Variants in NALF1 observed in about 807,000 individuals in gnomAD.
The protein encoded by NALF1 is family with sequence similarity 155 member A.
In NALF1, 3 loss-of-function variants were observed where a neutral mutation model predicts 48.4. That is an observed-to-expected ratio of 0.06 (90% confidence interval 0.03 to 0.16). The LOEUF (loss-of-function observed/expected upper bound fraction) is 0.16, where lower values mean the gene tolerates loss of function less well. Among genes scored for constraint, NALF1 ranks in the 10% least tolerant of loss-of-function variants. NALF1 has a pLI of 1.00. For missense variants in NALF1, 526 were observed against 571.5 expected, an observed-to-expected ratio of 0.92 and a Z score of 0.81; for synonymous variants, 262 against 245.7, an observed-to-expected ratio of 1.07 and a Z score of -0.62.
At chr13:107,768,546 T>A (rs1877481836) in intron 1 of NALF1, among the ~76,000 whole-genome samples, 1 of 152,186 alleles carries the variant, frequency 6.6e-6, no homozygotes, top group Non-Finnish European at 1.5e-5. Context: ...AAAGCGTTTA[T>A]AAAGAACAGG....
At chr13:107,356,098 G>A (rs1233376853) in intron 1 of NALF1, among the ~76,000 whole-genome samples, 2 of 152,090 alleles carry the variant, frequency 1.3e-5, no homozygotes, top group African/African-American at 4.8e-5. Flanking sequence ...ACAAACACAG[G>A]AGCCGATGTC....
intron 1 of NALF1, among the ~76,000 whole-genome samples, chr13:107,244,653 T>C (rs7982133): frequency 0.14 from 21,373 of 152,102 alleles, 1,970 homozygotes; most frequent in East Asian, 0.4. Context: ...TTGTAGCTGA[T>C]GCAAACAAAT....
chr13:107,484,562 C>T (rs1885299327), intron 1 of NALF1, among the ~76,000 whole-genome samples: 7 of 152,126 alleles, frequency 4.6e-5, no homozygotes, highest in Admixed American at 4.6e-4. Flanking sequence ...TTTTACCACC[C>T]ATCTTTGGAT....
intron 1 of NALF1, among the ~76,000 whole-genome samples, chr13:107,277,332 A>G (rs1386100136): frequency 6.6e-6 from 1 of 152,202 alleles, no homozygotes; most frequent in Non-Finnish European, 1.5e-5. Context: ...CAATTTTAAG[A>G]GTTAGAGAAT....
intron 2 of NALF1, among the ~76,000 whole-genome samples, chr13:107,179,829 C>T (rs1381003012): frequency 6.7e-6 from 1 of 150,120 alleles, no homozygotes; most frequent in Non-Finnish European, 1.5e-5. Context: ...ATTCCTGGAG[C>T]TTCTTGGCTG....
At chr13:107,353,530 T>C (rs1205248338) in intron 1 of NALF1, among the ~76,000 whole-genome samples, 5 of 152,226 alleles carry the variant, frequency 3.3e-5, no homozygotes, top group Admixed American at 3.3e-4. Context: ...CAATCTCTTT[T>C]TAGAAGTACA....
intron 1 of NALF1, among the ~76,000 whole-genome samples, chr13:107,760,237 T>C (rs1224405747): frequency 6.6e-6 from 1 of 152,308 alleles, no homozygotes; most frequent in Non-Finnish European, 1.5e-5. Flanking sequence ...TATACATGCA[T>C]ACAGCAAAGA....
chr13:107,305,756 T>C (rs1881924602), intron 1 of NALF1, among the ~76,000 whole-genome samples: 1 of 152,146 alleles, frequency 6.6e-6, no homozygotes, highest in African/African-American at 2.4e-5. Context: ...ACAAACAATA[T>C]ATATACTGCA....
chr13:107,295,890 G>A (rs112484023), intron 1 of NALF1, among the ~76,000 whole-genome samples: 1 of 152,144 alleles, frequency 6.6e-6, no homozygotes, highest in African/African-American at 2.4e-5. Flanking sequence ...GAAACTACTG[G>A]TTATTCCAGC....
chr13:107,843,254 T>C (rs376228128), intron 1 of NALF1, among the ~76,000 whole-genome samples: 4 of 152,204 alleles, frequency 2.6e-5, no homozygotes, highest in Non-Finnish European at 5.9e-5. Flanking sequence ...TAGATGCTAT[T>C]ATTGTCATAA....
At chr13:107,638,577 A>T (rs1379190802) in intron 1 of NALF1, among the ~76,000 whole-genome samples, 1 of 152,094 alleles carries the variant, frequency 6.6e-6, no homozygotes, top group Non-Finnish European at 1.5e-5. Flanking sequence ...AAGTGAGCTT[A>T]TTGCTGAATA....
chr13:107,282,594 C>T (rs989133136), intron 1 of NALF1, among the ~76,000 whole-genome samples: 2 of 152,194 alleles, frequency 1.3e-5, no homozygotes, highest in African/African-American at 4.8e-5. Context: ...ACTTCTCAGG[C>T]CAGGTCATCT....
At chr13:107,671,714 C>T (rs9301250) in intron 1 of NALF1, among the ~76,000 whole-genome samples, 43,920 of 151,724 alleles carry the variant, frequency 0.29, 6,676 homozygotes, top group African/African-American at 0.35. Context: ...ATATACAAGA[C>T]CAGAAAACCC....
intron 1 of NALF1, among the ~76,000 whole-genome samples, chr13:107,595,884 GCATAGTGTACCCTCTGA>G (rs1395803117): frequency 2.6e-5 from 4 of 152,074 alleles, no homozygotes; most frequent in African/African-American, 7.2e-5. Flanking sequence ...CCCCTTACTG[GCATAGTGTACCCTCTGA>G]CTTTTCTGCC....
In NALF1 at chr13:107,540,597, G is replaced by A. The variant is rs964905993; in HGVS notation, c.915+325085C>T. The stretch of plus-strand genomic sequence containing the variant: ...TGCTGGATCAATCGAAAGCTCTGGC[G>A]TTAATTTCCACAGTGACTGCTGGTA... On this transcript the variant is annotated intron_variant, in intron 1 of 2. Transcript: ENST00000375915. Among the ~76,000 whole-genome samples the A allele has an allele frequency of 2.4e-4, 36 of 152,056 alleles. 1 individual carries two copies. The highest frequency in any genetic ancestry group is 3.2e-3 in the Middle Eastern group (1 of 316).
chr13:107,562,323 C>A (rs933322658), intron 1 of NALF1, among the ~76,000 whole-genome samples: 1 of 152,172 alleles, frequency 6.6e-6, no homozygotes, highest in African/African-American at 2.4e-5. Context: ...AGAGAAACGA[C>A]AGTCAAAGGC....
At chr13:107,352,264 T>C (rs1224284059) in intron 1 of NALF1, among the ~76,000 whole-genome samples, 1 of 151,950 alleles carries the variant, frequency 6.6e-6, no homozygotes, top group African/African-American at 2.4e-5. Context: ...TATAATGAGG[T>C]GTGTCTGACC....
intron 1 of NALF1, among the ~76,000 whole-genome samples, chr13:107,638,630 A>G (rs375271428): frequency 2.0e-5 from 3 of 152,164 alleles, no homozygotes; most frequent in Non-Finnish European, 2.9e-5. Flanking sequence ...GGAAAAACTA[A>G]TAACAGTACA....
chr13:107,526,858 C>A (rs2139102668), intron 1 of NALF1, among the ~76,000 whole-genome samples: 1 of 152,150 alleles, frequency 6.6e-6, no homozygotes, highest in East Asian at 1.9e-4. Flanking sequence ...GAAATGAGTC[C>A]AGAAAAACAC....
Sources: allele counts gnomAD v4.1 joint callset (sites outside exome capture counted in the v4.1 genomes callset), GRCh38; gene constraint gnomAD v4.1.1; transcripts MANE v1.5; gene names NCBI Gene and HGNC (gene_info 2026-07-23, HGNC 2026-07-21).